Variants in AMTN observed in about 807,000 individuals in gnomAD.
AMTN encodes the protein RSTI689.
A neutral mutation model predicts 27.4 loss-of-function variants in AMTN; 29 were observed. The observed-to-expected ratio is 1.06, with a 90% CI of 0.79 to 1.44. AMTN has a LOEUF of 1.44. Among genes scored for constraint, AMTN ranks in the 40% most tolerant of loss-of-function variants. AMTN has a pLI of 0.00. For missense variants in AMTN, 247 were observed against 248.8 expected (o/e 0.99, Z 0.05); for synonymous variants, 86 against 95.7 (o/e 0.90, Z 0.59).
intron 2 of AMTN, 35 bp from the exon 3 acceptor site, chr4:70,522,720 C>G: frequency 6.3e-7 from 1 of 1,599,482 alleles, no homozygotes; most frequent in Non-Finnish European, 8.6e-7. Flanking sequence ...AAACACATTC[C>G]TGCCTCATCA....
chr4:70,528,775 A>C lies in AMTN; in HGVS notation c.330+17A>C. 6.3e-7 allele frequency: 1 copy of C among 1,576,636 alleles called. No homozygotes were observed. The highest frequency in any genetic ancestry group is 8.6e-7 in the Non-Finnish European group (1 of 1,165,674). Reference sequence around the variant, plus strand: ...GGAGCCCAGGTAAAAATTATGCTTAATATTGTCTTGATTTTAAATCACCTT... The same window carrying C: ...GGAGCCCAGGTAAAAATTATGCTTACTATTGTCTTGATTTTAAATCACCTT... On this transcript the variant is annotated intron_variant, in intron 6 of 8. Coordinates refer to ENST00000339336, the MANE Select transcript of AMTN (RefSeq NM_212557.4).
rs35286445 is a variant in AMTN, at chr4:70,518,820, C to T, written c.43C>T (p.Arg15Trp). 206,115 of 1,604,560 alleles carry T rather than the reference C, an allele frequency of 0.13. 14,534 individuals are homozygous for T. Among genetic ancestry groups the T allele is most frequent in the Middle Eastern group, 0.21 (1,243 of 6,036 alleles). Residue 15 changes from arginine (R) to tryptophan (W), a missense_variant, in exon 2 of 9, where the codon CGG becomes TGG. Transcript: ENST00000339336. ...ILLFCLLGSTRSLPQLKPALG... is the reference protein window; with the variant it reads ...ILLFCLLGSTWSLPQLKPALG... ...ACTGTTTTGTCTTCTAGGATCAACT[C>T]GGTCATTACCAGTAAGTATGTTATG...
At chr4:70,529,468 C>G (rs1204752482) in intron 7 of AMTN, among the ~76,000 whole-genome samples, 1 of 152,142 alleles carries the variant, frequency 6.6e-6, no homozygotes, top group Non-Finnish European at 1.5e-5. Context: ...TCCAGAAAGG[C>G]AGTGCACATT....
chr4:70,531,657 G>A (rs976514001), intron 8 of AMTN, among the ~76,000 whole-genome samples: 12 of 151,998 alleles, frequency 7.9e-5, no homozygotes, highest in Admixed American at 6.6e-5. Context: ...GATTACAGGC[G>A]CACATCACCA....
At chr4:70,522,207 AT>A (rs1416443548) in intron 2 of AMTN, among the ~76,000 whole-genome samples, 1 of 151,186 alleles carries the variant, frequency 6.6e-6, no homozygotes, top group African/African-American at 2.5e-5. Context: ...TTAGAAAAAA[AT>A]AATACAACTA....
intron 2 of AMTN, among the ~76,000 whole-genome samples, chr4:70,521,813 T>G (rs1348848826): frequency 1.3e-5 from 2 of 151,330 alleles, no homozygotes; most frequent in Non-Finnish European, 2.9e-5. Context: ...AAAGACAGAG[T>G]TTCATCATGT....
Position 70,532,504 on chromosome 4 carries a change from G to C in AMTN, c.*39G>C. The C allele has an allele frequency of 6.3e-7, 1 of 1,589,156 alleles. No homozygotes were observed. Among genetic ancestry groups the C allele is most frequent in the Non-Finnish European group, 8.6e-7 (1 of 1,160,384 alleles). ...TTTTCAACTAAGCTGCCTCGAATTT[G>C]GTGATACATGTGAATCTTTATCATT... On this transcript the variant is annotated 3_prime_UTR_variant, in exon 9 of 9. Coordinates refer to ENST00000339336, the MANE Select transcript of AMTN (RefSeq NM_212557.4).
At chr4:70,524,085 A>G (rs1298522794) in intron 4 of AMTN, 152 bp downstream of exon 4, 2 of 583,854 alleles carry the variant, frequency 3.4e-6, no homozygotes, top group Non-Finnish European at 5.8e-6. Context: ...GAGAGGAGAG[A>G]AGAGTCCAAG....
At chr4:70,524,078 A>T in intron 4 of AMTN, 145 bp downstream of exon 4, 1 of 613,568 alleles carries the variant, frequency 1.6e-6, no homozygotes, top group Non-Finnish European at 2.7e-6. Flanking sequence ...GTTGAAAGAG[A>T]GGAGAGAAGA....
At position 70,522,755 on chromosome 4, in the gene AMTN, C is replaced by A; in HGVS notation, c.55C>A (p.Gln19Lys). 6.2e-7 allele frequency: 1 copy of A among 1,613,948 alleles called. No homozygotes were observed. Among genetic ancestry groups the A allele is most frequent in the Non-Finnish European group, 8.5e-7 (1 of 1,179,840 alleles). Residue 19 changes from glutamine (Q) to lysine (K), a missense_variant and splice_region_variant, in exon 3 of 9, where the codon CAG becomes AAG. Coordinates refer to ENST00000339336, the MANE Select transcript of AMTN (RefSeq NM_212557.4). ...CLLGSTRSLPQLKPALGLPPT... is the reference protein window; with the variant it reads ...CLLGSTRSLPKLKPALGLPPT... ...AAATATGTATTTGTTTTCACAAAAG[C>A]AGCTCAAACCTGCTTTGGGACTCCC...
intron 2 of AMTN, among the ~76,000 whole-genome samples, chr4:70,521,228 A>C (rs1033786644): frequency 3.9e-5 from 6 of 152,046 alleles, no homozygotes; most frequent in African/African-American, 1.4e-4. Context: ...AAAATACAAA[A>C]AATTAGCTGG....
chr4:70,519,585 T>C (rs1019229979), intron 2 of AMTN, among the ~76,000 whole-genome samples: 7 of 152,142 alleles, frequency 4.6e-5, no homozygotes, highest in African/African-American at 1.7e-4. Flanking sequence ...TCAACAAATA[T>C]TTATTAAAAA....
intron 1 of AMTN, 42 bp downstream of exon 1, chr4:70,518,696 T>C (rs1735873289): frequency 2.6e-6 from 3 of 1,157,106 alleles, no homozygotes; most frequent in Non-Finnish European, 3.9e-6. Flanking sequence ...CTTTTGTTTT[T>C]AAAGTATCAT....
Position 70,523,985 on chromosome 4 carries a change from C to T in AMTN, c.204+52C>T, listed in dbSNP as rs932886273. 12 of 1,459,742 alleles carry T rather than the reference C, an allele frequency of 8.2e-6. No homozygotes were observed. In the African/African-American group the frequency reaches 1.7e-4, roughly 20 times the overall value. The allele number at this position is 1,459,742 out of a possible 1,614,324, so 90.4% of individuals were successfully genotyped here. On this transcript the variant is annotated intron_variant, in intron 4 of 8. Coordinates refer to ENST00000339336, the MANE Select transcript of AMTN (RefSeq NM_212557.4). ...TACCCATTGTGAAATAAATATAATGCCTAATATTACAGTGGGGGGAGCATG... is the reference window on the plus strand; with the variant it reads ...TACCCATTGTGAAATAAATATAATGTCTAATATTACAGTGGGGGGAGCATG...
chr4:70,523,735 G>C (rs1736029271), intron 3 of AMTN, 133 bp from the exon 4 acceptor site: 1 of 739,706 alleles, frequency 1.4e-6, no homozygotes. Flanking sequence ...AGGCCCCGAG[G>C]CTTCATCTTT....
intron 8 of AMTN, among the ~76,000 whole-genome samples, chr4:70,531,805 C>A (rs1435157377): frequency 6.6e-6 from 1 of 151,966 alleles, no homozygotes; most frequent in Non-Finnish European, 1.5e-5. Context: ...CGCCACCGCA[C>A]CTGACCATAC....
chr4:70,521,066 G>A (rs1735945208), intron 2 of AMTN, among the ~76,000 whole-genome samples: 1 of 152,114 alleles, frequency 6.6e-6, no homozygotes, highest in Non-Finnish European at 1.5e-5. Flanking sequence ...TGGGGTCTCT[G>A]GCTTTTACTC....
Position 70,518,753 on chromosome 4 carries a change from G to GTAACAC in AMTN, c.-15-9_-15-8insAACACT. 6.4e-7 allele frequency: 1 copy of GTAACAC among 1,552,818 alleles called. No homozygotes were observed. The highest frequency in any genetic ancestry group is 1.4e-5 in the African/African-American group (1 of 73,424). ...ATACATGGAAGAGTAACACTTTTTT[G>GTAACAC]TTGTTGTAGGTAGCAATCTGAAACA... On this transcript the variant is annotated splice_polypyrimidine_tract_variant and intron_variant, in intron 1 of 8. Transcript: ENST00000339336.
chr4:70,524,812 G>T, intron 4 of AMTN, 60 bp from the exon 5 acceptor site: 1 of 1,503,032 alleles, frequency 6.7e-7, no homozygotes, highest in African/African-American at 1.4e-5. Context: ...AAACATTTTA[G>T]TTTCCTAAAT....
Sources: gnomAD v4.1 joint callset for allele counts (sites outside exome capture counted in the v4.1 genomes callset) on GRCh38, gnomAD v4.1.1 for gene constraint, MANE v1.5 for transcripts, NCBI Gene and HGNC (gene_info 2026-07-23, HGNC 2026-07-21) for gene names.